F2: variants seen among roughly 807,000 people sequenced by gnomAD.
F2 encodes coagulation factor II, thrombin, also known as prothrombin.
Under a neutral mutation model 81.9 loss-of-function variants are expected in F2, and 34 were observed. The ratio of observed to expected loss-of-function variants is 0.42; its 90% CI spans 0.32 to 0.55. The LOEUF (loss-of-function observed/expected upper bound fraction) is 0.55. Among genes scored for constraint, F2 ranks in the 20% least tolerant of loss-of-function variants. The pLI, the probability that F2 is intolerant of heterozygous loss-of-function variation, is 0.18. For missense variants in F2, 630 were observed against 833.4 expected, an observed-to-expected ratio of 0.76 and a Z score of 3.00; for synonymous variants, 296 against 326.4, an observed-to-expected ratio of 0.91 and a Z score of 1.01.
rs143943480 is a variant in F2, at chr11:46,737,391, C to G, written c.1655-1657C>G. ...ACTCCTGACCTCATGATCCGACTGCCTCAGCCTCCCAAAGTGCTGGGATTA... is the reference window on the plus strand; with the variant it reads ...ACTCCTGACCTCATGATCCGACTGCGTCAGCCTCCCAAAGTGCTGGGATTA... On this transcript the variant is annotated intron_variant, in intron 12 of 13. Coordinates refer to ENST00000311907, the MANE Select transcript of F2 (RefSeq NM_000506.5). Among the ~76,000 whole-genome samples the G allele has an allele frequency of 2.0e-3, 308 of 151,008 alleles. 1 individual carries two copies. Among genetic ancestry groups the G allele is most frequent in the African/African-American group, 6.8e-3 (278 of 40,888 alleles).
Position 46,719,550 on chromosome 11 carries a change from C to G in F2, c.80-152C>G. On this transcript the variant is annotated intron_variant, in intron 1 of 13. Transcript: ENST00000311907. The surrounding 1 kb of genome is among the most constrained non-coding windows in gnomAD (Gnocchi z 4.7). The stretch of plus-strand genomic sequence containing the variant: ...GGCAGTGTAGGAGGGGCACAGGGGG[C>G]CACATTTAGCAGCCTTCCAGGCACT... 1 of 1,077,494 alleles carries G rather than the reference C, an allele frequency of 9.3e-7. No homozygotes were observed. The highest frequency in any genetic ancestry group is 1.4e-6 in the Non-Finnish European group (1 of 739,368). 66.7% of individuals were successfully genotyped at this position (1,077,494 alleles called of 1,614,324 possible).
chr11:46,726,926 G>A lies in F2; in HGVS notation c.1130+89G>A, dbSNP rs1403997282. ...CCTCAGGCCCTGCCTGCAGGCCTGG[G>A]CTTTACAGATGACAACAGCTGAGCA... On this transcript the variant is annotated intron_variant, in intron 9 of 13. Transcript: ENST00000311907. The surrounding 1 kb of genome is among the most constrained non-coding windows in gnomAD (Gnocchi z 5.9). 10 of 1,592,522 alleles carry A rather than the reference G, an allele frequency of 6.3e-6. No individual in the cohort carries two copies. Among genetic ancestry groups the A allele is most frequent in the Non-Finnish European group, 8.6e-6 (10 of 1,165,820 alleles).
chr11:46,731,592 G>A (rs1006538461), intron 12 of F2, among the ~76,000 whole-genome samples: 2 of 148,956 alleles, frequency 1.3e-5, no homozygotes, highest in Admixed American at 6.7e-5. Context: ...AAAAAAAAGC[G>A]TGTTTCTCAC....
At chr11:46,733,728 G>A (rs1487993107) in intron 12 of F2, among the ~76,000 whole-genome samples, 5 of 151,304 alleles carry the variant, frequency 3.3e-5, no homozygotes, top group Middle Eastern at 3.4e-3. Flanking sequence ...TTGTTTTAAC[G>A]GACATCTTTC....
intron 12 of F2, among the ~76,000 whole-genome samples, chr11:46,729,775 C>T (rs1016632849): frequency 2.0e-5 from 3 of 152,136 alleles, no homozygotes; most frequent in African/African-American, 7.2e-5. Context: ...GGCATAGTAT[C>T]AGTCACCAGT....
Position 46,737,851 on chromosome 11 carries a change from T to C in F2, c.1655-1197T>C, listed in dbSNP as rs1451832649. On this transcript the variant is annotated intron_variant, in intron 12 of 13. Coordinates refer to ENST00000311907, the MANE Select transcript of F2 (RefSeq NM_000506.5). ...GTTCTCTTGCTAGCTTTTTTTTTTT[T>C]CAGATAGGGTCTTGCTCTGTTGCCC... is the stretch of plus-strand genomic sequence containing the variant. Among the ~76,000 whole-genome samples the C allele has an allele frequency of 2.6e-5, 4 of 151,924 alleles. No individual in the cohort carries two copies. In the South Asian group the frequency reaches 8.3e-4, roughly 32 times the overall value.
intron 12 of F2, among the ~76,000 whole-genome samples, chr11:46,731,912 G>GTTTTTTTTTT (rs71042616): frequency 1.1e-5 from 1 of 88,176 alleles, no homozygotes; most frequent in African/African-American, 4.4e-5. Flanking sequence ...ACACTTTGAT[G>GTTTTTTTTTT]TTTTTTTTTT....
chr11:46,736,486 C>CG (rs1260022156), intron 12 of F2, among the ~76,000 whole-genome samples: 1 of 151,968 alleles, frequency 6.6e-6, no homozygotes, highest in African/African-American at 2.4e-5. Context: ...TTTGTAGAGA[C>CG]GGGGTCTTGC....
In F2 at chr11:46,726,311, T is replaced by C; in HGVS notation, c.874+138T>C. ...TACAGTAACCAGGTGGGGGGTAAGG[T>C]CCTGTGCCCATTTCACAGATAAGTA... is the stretch of plus-strand genomic sequence containing the variant. On this transcript the variant is annotated intron_variant, in intron 7 of 13. Coordinates refer to ENST00000311907, the MANE Select transcript of F2 (RefSeq NM_000506.5). This position sits in a 1 kb window ranked among gnomAD's most constrained non-coding sequence, Gnocchi z 5.9. 7.0e-7 allele frequency: 1 copy of C among 1,431,752 alleles called. No homozygotes were observed. The allele number at this position is 1,431,752 out of a possible 1,614,324, so 88.7% of individuals were successfully genotyped here. A position where few individuals can be genotyped will look rare whatever the true frequency, so the allele number is the denominator to read the frequency against.
rs1310903683 is a variant in F2, at chr11:46,723,045, G to A, written c.317-135G>A. 3 of 806,780 alleles carry A rather than the reference G, an allele frequency of 3.7e-6. No homozygotes were observed. The highest frequency in any genetic ancestry group is 6.7e-6 in the Non-Finnish European group (3 of 448,870). The allele number at this position is 806,780 out of a possible 1,614,324, so 50.0% of individuals were successfully genotyped here. ...GAATGGGAGAACTGCTGGTTGCAGA[G>A]GAAGAGGGGCTGGGTGAATGCAGGT... On this transcript the variant is annotated intron_variant, in intron 4 of 13. Coordinates refer to ENST00000311907, the MANE Select transcript of F2 (RefSeq NM_000506.5). The surrounding 1 kb of genome is among the most constrained non-coding windows in gnomAD (Gnocchi z 5.6).
Position 46,728,342 on chromosome 11 carries a change from C to T in F2, c.1298+179C>T, listed in dbSNP as rs1414325393. The stretch of plus-strand genomic sequence containing the variant: ...ACGTCCTGACTGAGGCTTGGAGCTG[C>T]GGGGAGAAATCCGTCTGTCTCCTGG... On this transcript the variant is annotated intron_variant, in intron 10 of 13. Coordinates refer to ENST00000311907, the MANE Select transcript of F2 (RefSeq NM_000506.5). The surrounding 1 kb of genome is among the most constrained non-coding windows in gnomAD (Gnocchi z 5.1). 2.0e-5 allele frequency among the ~76,000 whole-genome samples: 3 copies of T among 152,158 alleles called. No individual in the cohort carries two copies. The highest frequency in any genetic ancestry group is 2.9e-5 in the Non-Finnish European group (2 of 68,020).
chr11:46,729,711 C>T, intron 12 of F2, 150 bp downstream of exon 12: 1 of 844,294 alleles, frequency 1.2e-6, no homozygotes, highest in Non-Finnish European at 1.8e-6. Flanking sequence ...GTAAAAGTCT[C>T]TATCCCATAA....
rs188055540 is a variant in F2 at position 46,726,663 on chromosome 11, G to A, written c.1003+37G>A. On this transcript the variant is annotated intron_variant, in intron 8 of 13. Transcript: ENST00000311907. This position sits in a 1 kb window ranked among gnomAD's most constrained non-coding sequence, Gnocchi z 5.9. ...GGCATCCGAGGGGATGCGGGGCTGC[G>A]GGGCTGGTGGCCAGGACTTGCCCCT... 1.1e-5 allele frequency: 18 copies of A among 1,613,676 alleles called. No individual in the cohort carries two copies. Among genetic ancestry groups the A allele is most frequent in the South Asian group, 9.9e-5 (9 of 91,072 alleles).
rs1312860532 is a variant in F2, at chr11:46,723,271, C to T, written c.408C>T (p.Tyr136=). The T allele has an allele frequency of 1.2e-6, 2 of 1,613,980 alleles. No homozygotes were observed. Among genetic ancestry groups the T allele is most frequent in the Admixed American group, 1.7e-5 (1 of 59,980 alleles). The part of the protein sequence containing the change: ...GIECQLWRSR[Y]PHKPEINSTT... ...AGTGCCAGCTATGGAGGAGTCGCTA[C>T]CCACATAAGCCTGAGTGAGTGAGGG... The change falls in exon 5 of 14, where the codon TAC becomes TAT. Residue 136 remains tyrosine, a synonymous_variant. Transcript: ENST00000311907. This position sits in a 1 kb window ranked among gnomAD's most constrained non-coding sequence, Gnocchi z 5.6.
intron 4 of F2, 194 bp from the exon 5 acceptor site, chr11:46,722,986 G>A (rs71474189): frequency 2.9e-6 from 2 of 688,474 alleles, no homozygotes; most frequent in Non-Finnish European, 5.3e-6. Context: ...CATATGGTAG[G>A]CACTTAGCGA....
intron 6 of F2, among the ~76,000 whole-genome samples, chr11:46,724,916 G>A (rs1204422039): frequency 2.0e-5 from 3 of 150,566 alleles, no homozygotes; most frequent in South Asian, 2.1e-4. Context: ...GATTACAGGC[G>A]TGTGCCACCA....
intron 9 of F2, 47 bp from the exon 10 acceptor site, chr11:46,727,949 C>T: frequency 6.4e-7 from 1 of 1,564,308 alleles, no homozygotes; most frequent in Non-Finnish European, 8.6e-7. Flanking sequence ...GGTGTAGAGG[C>T]AGCCCCCTCA....
In F2 at chr11:46,726,680, C is replaced by T. The variant is rs2064876288; in HGVS notation, c.1004-31C>T. The T allele has an allele frequency of 6.2e-7, 1 of 1,613,622 alleles. No homozygotes were observed. Among genetic ancestry groups the T allele is most frequent in the Admixed American group, 1.7e-5 (1 of 60,012 alleles). On this transcript the variant is annotated intron_variant, in intron 8 of 13. Coordinates refer to ENST00000311907, the MANE Select transcript of F2 (RefSeq NM_000506.5). This position sits in a 1 kb window ranked among gnomAD's most constrained non-coding sequence, Gnocchi z 5.9. The stretch of plus-strand genomic sequence containing the variant: ...GGGGCTGCGGGGCTGGTGGCCAGGA[C>T]TTGCCCCTCACTGCTTGGCTTGCTC...
chr11:46,721,790 A>G (rs1301071175), intron 4 of F2, among the ~76,000 whole-genome samples: 2 of 152,004 alleles, frequency 1.3e-5, no homozygotes, highest in African/African-American at 4.8e-5. Flanking sequence ...TCAGTCTCCC[A>G]AAGGAGTAGG....
Sources: gnomAD v4.1 joint callset for allele counts (sites outside exome capture counted in the v4.1 genomes callset) on GRCh38, gnomAD v4.1.1 for gene constraint, Gnocchi (gnomAD v3.1) non-coding constraint, MANE v1.5 for transcripts, NCBI Gene and HGNC (gene_info 2026-07-23, HGNC 2026-07-21) for gene names.